The following ITGB1BP1 variants were observed in gnomAD, a reference collection of about 807,000 sequenced individuals.
The protein encoded by ITGB1BP1 is integrin beta-1-binding protein 1.
In ITGB1BP1, 20 loss-of-function variants were observed where a neutral mutation model predicts 28.0. The ratio of observed to expected loss-of-function variants is 0.71; its 90% CI spans 0.50 to 1.04. The LOEUF is 1.04. ITGB1BP1 is among the 50% of genes least tolerant of loss of function. The pLI, the probability that ITGB1BP1 is intolerant of heterozygous loss-of-function variation, is 0.00. For synonymous variants in ITGB1BP1, 103 were observed against 89.5 expected (o/e 1.15, Z -0.85); for missense variants, 228 against 242.5 (o/e 0.94, Z 0.40).
At chr2:9,423,253 T>A in intron 1 of ITGB1BP1, 120 bp downstream of exon 1, 1 of 1,157,600 alleles carries the variant, frequency 8.6e-7, no homozygotes, top group Non-Finnish European at 1.1e-6. Flanking sequence ...CAGGCATCCC[T>A]CCTCCGCCCG....
At chr2:9,407,129 G>A in intron 6 of ITGB1BP1, 2 of 604,824 alleles carry the variant, frequency 3.3e-6, no homozygotes, top group Non-Finnish European at 2.9e-6. Context: ...GCCTGCAAAG[G>A]CTGATCACGC....
intron 1 of ITGB1BP1, chr2:9,420,046 CAG>C (rs1283134265): frequency 4.1e-6 from 4 of 984,498 alleles, no homozygotes; most frequent in Non-Finnish European, 4.8e-6. Context: ...GCGGTCTGCA[CAG>C]AGAGTTTCCT....
chr2:9,413,809 T>C (rs1232096481), intron 3 of ITGB1BP1, among the ~76,000 whole-genome samples: 4 of 152,192 alleles, frequency 2.6e-5, no homozygotes, highest in Non-Finnish European at 4.4e-5. Context: ...CTATTCCCCA[T>C]AGACAACATA....
chr2:9,410,875 G>A (rs1346216354), intron 4 of ITGB1BP1, among the ~76,000 whole-genome samples: 1 of 152,170 alleles, frequency 6.6e-6, no homozygotes, highest in African/African-American at 2.4e-5. Context: ...ACCATGCCCT[G>A]CCACGCTGTA....
At chr2:9,408,390 G>A in intron 4 of ITGB1BP1, 185 bp from the exon 5 acceptor site, 1 of 563,594 alleles carries the variant, frequency 1.8e-6, no homozygotes, top group Admixed American at 3.2e-5. Flanking sequence ...TTTACAAAAA[G>A]GTTATTTTTA....
intron 2 of ITGB1BP1, among the ~76,000 whole-genome samples, chr2:9,416,087 G>A (rs1679093074): frequency 6.6e-6 from 1 of 152,160 alleles, no homozygotes; most frequent in East Asian, 1.9e-4. Flanking sequence ...TGAAAAGGCT[G>A]TTGAGTCACG....
intron 5 of ITGB1BP1, 82 bp from the exon 6 acceptor site, chr2:9,407,680 T>G (rs1572680707): frequency 3.3e-6 from 5 of 1,506,644 alleles, no homozygotes; most frequent in Non-Finnish European, 4.5e-6. Flanking sequence ...CCAGGCAGAG[T>G]GAGGCTTGAA....
intron 6 of ITGB1BP1, 22 bp from the exon 7 acceptor site, chr2:9,406,927 G>C (rs1253067832): frequency 6.4e-7 from 1 of 1,564,100 alleles, no homozygotes; most frequent in Admixed American, 1.7e-5. Flanking sequence ...GAAAGATAGA[G>C]TAAGAGCAAC....
chr2:9,423,553 A>C, upstream of ITGB1BP1: 1 of 1,142,362 alleles, frequency 8.8e-7, no homozygotes, highest in Non-Finnish European at 1.2e-6. Context: ...CTGACGTCCT[A>C]CCCCCGGTTC....
In ITGB1BP1 at chr2:9,423,478, G is replaced by C. The variant is rs547751374; in HGVS notation, c.-141C>G. 2.4e-5 allele frequency: 28 copies of C among 1,190,190 alleles called. No homozygotes were observed. The African/African-American group carries it at 4.4e-4, about 19-fold the overall frequency. The allele number at this position is 1,190,190 out of a possible 1,614,324, so 73.7% of individuals were successfully genotyped here. On this transcript the variant is annotated 5_prime_UTR_variant, in exon 1 of 7. Transcript: ENST00000355346. ...TACTCCCGTTCCCGCTCCAGCGCCG[G>C]CTTTTCCAGCCCTCCTGCCCACGTC...
chr2:9,406,967 G>T, intron 6 of ITGB1BP1, 62 bp from the exon 7 acceptor site: 1 of 1,229,634 alleles, frequency 8.1e-7, no homozygotes, highest in Non-Finnish European at 1.2e-6. Flanking sequence ...AACTTAATTT[G>T]GCTAGCAGAG....
At chr2:9,411,710 G>A (rs1175749533) in intron 4 of ITGB1BP1, among the ~76,000 whole-genome samples, 2 of 137,016 alleles carry the variant, frequency 1.5e-5, no homozygotes, top group South Asian at 2.4e-4. Context: ...GCGACAGACC[G>A]AGACTCCATC....
At position 9,404,443 on chromosome 2, in the gene ITGB1BP1, T is replaced by C. The variant is rs555347291; in HGVS notation, c.*2391A>G. Reference sequence around the variant, plus strand: ...CATATCATTCTTAAGCTACTTGGGGTGGTAGTAGAGGATTAGGTTGTCTAT... The same window carrying C: ...CATATCATTCTTAAGCTACTTGGGGCGGTAGTAGAGGATTAGGTTGTCTAT... On this transcript the variant is annotated 3_prime_UTR_variant, in exon 7 of 7. Coordinates refer to ENST00000355346, the MANE Select transcript of ITGB1BP1 (RefSeq NM_004763.5). 2.0e-5 allele frequency: 3 copies of C among 152,136 alleles called. No homozygotes were observed. The highest frequency in any genetic ancestry group is 4.4e-5 in the Non-Finnish European group (3 of 68,034). 9.4% of individuals were successfully genotyped at this position (152,136 alleles called of 1,614,324 possible). A position where few individuals can be genotyped will look rare whatever the true frequency, so the allele number is the denominator to read the frequency against.
chr2:9,405,749 T>TATCA lies in ITGB1BP1; in HGVS notation c.*1081_*1084dup, dbSNP rs1553334655. 1.3e-5 allele frequency: 2 copies of TATCA among 152,262 alleles called. No homozygotes were observed. Among genetic ancestry groups the TATCA allele is most frequent in the African/African-American group, 2.4e-5 (1 of 41,466 alleles). 9.4% of individuals were successfully genotyped at this position (152,262 alleles called of 1,614,324 possible). On this transcript the variant is annotated 3_prime_UTR_variant, in exon 7 of 7. Transcript: ENST00000355346. ...TGACAGTCCTTTAAAAAAAGTACAC[T>TATCA]ATCATACTGTACATGGGATCTTTAC...
intron 1 of ITGB1BP1, chr2:9,422,666 A>T (rs1238527713): frequency 7.3e-5 from 72 of 985,454 alleles, no homozygotes; most frequent in Non-Finnish European, 8.1e-5. Context: ...GGCGCCTGGC[A>T]GGGGACGCGC....
rs948761389 is a variant in ITGB1BP1, at chr2:9,415,147, C to T, written c.73-891G>A. Among the ~76,000 whole-genome samples the T allele has an allele frequency of 2.0e-5, 3 of 148,876 alleles. No homozygotes were observed. The highest frequency in any genetic ancestry group is 5.0e-5 in the African/African-American group (2 of 40,288). ...TAATCCCAGCACTTTGGGAGGCTGACGTGGGTGGATCACCTGAGGTCAGGA... is the reference window on the plus strand; with the variant it reads ...TAATCCCAGCACTTTGGGAGGCTGATGTGGGTGGATCACCTGAGGTCAGGA... On this transcript the variant is annotated intron_variant, in intron 2 of 6. Transcript: ENST00000355346. This position sits in a 1 kb window ranked among gnomAD's most constrained non-coding sequence, Gnocchi z 4.1.
intron 1 of ITGB1BP1, chr2:9,422,933 G>T: frequency 2.0e-6 from 2 of 986,022 alleles, no homozygotes; most frequent in Non-Finnish European, 2.4e-6. Flanking sequence ...AGCCGGCTCC[G>T]AAGTTCCTCC....
intron 4 of ITGB1BP1, among the ~76,000 whole-genome samples, chr2:9,410,004 C>T (rs1274818402): frequency 2.6e-5 from 4 of 151,906 alleles, no homozygotes; most frequent in Non-Finnish European, 5.9e-5. Flanking sequence ...GCCACCACAC[C>T]CAACTAATTT....
intron 4 of ITGB1BP1, among the ~76,000 whole-genome samples, chr2:9,411,667 G>A (rs1020795102): frequency 1.3e-5 from 2 of 151,698 alleles, no homozygotes; most frequent in Admixed American, 6.6e-5. Flanking sequence ...AGGTTGCAGA[G>A]AGCCGAGATT....
Sources: allele counts gnomAD v4.1 joint callset (sites outside exome capture counted in the v4.1 genomes callset), GRCh38; gene constraint gnomAD v4.1.1; non-coding constraint Gnocchi (gnomAD v3.1); transcripts MANE v1.5; gene names NCBI Gene and HGNC (gene_info 2026-07-23, HGNC 2026-07-21).